Variants in CYP46A1 observed in about 807,000 individuals in gnomAD.
CYP46A1 encodes cholesterol 24-hydroxylase.
In CYP46A1, 20 loss-of-function variants were observed where a neutral mutation model predicts 63.3. The observed-to-expected ratio is 0.32, with a 90% CI of 0.22 to 0.46. CYP46A1 has a LOEUF of 0.46. CYP46A1 is among the 20% of genes least tolerant of loss of function. The pLI, the probability that CYP46A1 is intolerant of heterozygous loss-of-function variation, is 1.00. For missense variants in CYP46A1, 445 were observed against 670.8 expected (o/e 0.66, Z 3.72); for synonymous variants, 268 against 273.6 (o/e 0.98, Z 0.20).
chr14:99,699,458 A>T lies in CYP46A1; in HGVS notation c.283-8A>T. 1 of 1,613,934 alleles carries T rather than the reference A, an allele frequency of 6.2e-7. No homozygotes were observed. The highest frequency in any genetic ancestry group is 8.5e-7 in the Non-Finnish European group (1 of 1,179,938). Reference sequence around the variant, plus strand: ...ATGAGCCTATGTTGGTTTTTTGGGGATATTTAGAAGTTCCTGATGTCAACC... The same window carrying T: ...ATGAGCCTATGTTGGTTTTTTGGGGTTATTTAGAAGTTCCTGATGTCAACC... On this transcript the variant is annotated splice_region_variant and splice_polypyrimidine_tract_variant and intron_variant, in intron 3 of 14. Transcript: ENST00000261835.
intron 4 of CYP46A1, 119 bp from the exon 5 acceptor site, chr14:99,699,896 C>T (rs983107099): frequency 7.2e-6 from 5 of 694,072 alleles, no homozygotes; most frequent in South Asian, 3.8e-5. Flanking sequence ...GTGGCGCAAC[C>T]GTCGCCACCG....
Position 99,722,999 on chromosome 14 carries a change from CTGCACCAACTTGGA to C in CYP46A1, c.1176+937_1176+950del. On this transcript the variant is annotated intron_variant, in intron 12 of 14. Coordinates refer to ENST00000261835, the MANE Select transcript of CYP46A1 (RefSeq NM_006668.2). This position sits in a 1 kb window ranked among gnomAD's most constrained non-coding sequence, Gnocchi z 4.6. ...AACGCCACATTGTTTTCCAAAGTGG[CTGCACCAACTTGGA>C]TGCCCAGTAGTGGTGAGAGAGAGCA... 1 of 417,310 alleles carries C rather than the reference CTGCACCAACTTGGA, an allele frequency of 2.4e-6. No homozygotes were observed. The highest frequency in any genetic ancestry group is 5.0e-6 in the Non-Finnish European group (1 of 198,810). 25.9% of individuals were successfully genotyped at this position (417,310 alleles called of 1,614,324 possible). A position where few individuals can be genotyped will look rare whatever the true frequency, so the allele number is the denominator to read the frequency against.
At chr14:99,688,809 C>T (rs1327582053) in intron 1 of CYP46A1, among the ~76,000 whole-genome samples, 1 of 152,092 alleles carries the variant, frequency 6.6e-6, no homozygotes, top group Non-Finnish European at 1.5e-5. Flanking sequence ...GCTCGGTTCC[C>T]GGTGATCTCC....
Position 99,726,194 on chromosome 14 carries a change from C to T in CYP46A1, c.1270C>T (p.Arg424Trp), listed in dbSNP as rs200564104. ...GATTCCTCTCTTTCCCTGCAGGCCACGGTTCACCTACTTCCCCTTCTCCCT... is the reference window on the plus strand; with the variant it reads ...GATTCCTCTCTTTCCCTGCAGGCCATGGTTCACCTACTTCCCCTTCTCCCT... The part of the protein sequence containing the change: ...DRFGPGAPKP[R>W]FTYFPFSLGH... The change falls in exon 14 of 15, where the codon CGG (arginine) becomes TGG (tryptophan). Residue 424 changes from arginine to tryptophan, a missense_variant. This residue lies in a region of CYP46A1 where 95 missense variants were observed against 156.9 expected (regional missense o/e 0.61). Transcript: ENST00000261835. 6.2e-6 allele frequency: 10 copies of T among 1,613,948 alleles called. No homozygotes were observed. Among genetic ancestry groups the T allele is most frequent in the East Asian group, 2.2e-5 (1 of 44,876 alleles).
chr14:99,687,567 AC>A (rs2056505515), intron 1 of CYP46A1, among the ~76,000 whole-genome samples: 1 of 152,052 alleles, frequency 6.6e-6, no homozygotes, highest in East Asian at 1.9e-4. Flanking sequence ...CCTCACGCCT[AC>A]CCCTAGTGGG....
Sources: allele counts gnomAD v4.1 joint callset (sites outside exome capture counted in the v4.1 genomes callset), GRCh38; gene constraint gnomAD v4.1.1; regional missense constraint gnomAD v4.1.1; non-coding constraint Gnocchi (gnomAD v3.1); transcripts MANE v1.5; gene names NCBI Gene and HGNC (gene_info 2026-07-23, HGNC 2026-07-21).